Variants in DROSHA observed in about 807,000 individuals in gnomAD.
DROSHA encodes ribonuclease 3.
DROSHA carries 56 observed loss-of-function variants against 181.9 expected under a neutral mutation model. That is an observed-to-expected ratio of 0.31 (90% confidence interval 0.25 to 0.38). DROSHA has a LOEUF of 0.38. Ranked by LOEUF, DROSHA falls within the 10% of genes least tolerant of loss-of-function variation. DROSHA has a pLI of 1.00. For synonymous variants in DROSHA, 524 were observed against 591.2 expected (o/e 0.89, Z 1.65); for missense variants, 1,218 against 1,743.5 (o/e 0.70, Z 5.37).
At chr5:31,499,568 GA>G (rs113211548) in intron 11 of DROSHA, among the ~76,000 whole-genome samples, 9,917 of 152,232 alleles carry the variant, frequency 0.065, 1,083 homozygotes, top group African/African-American at 0.23. Context: ...AGACTGTGGA[GA>G]AAATGATAGC....
At chr5:31,450,767 C>T (rs891894846) in intron 21 of DROSHA, among the ~76,000 whole-genome samples, 1 of 152,132 alleles carries the variant, frequency 6.6e-6, no homozygotes, top group Non-Finnish European at 1.5e-5. Context: ...CCAGACTTCA[C>T]CACTATACAA....
chr5:31,519,118 T>G (rs1739587945), intron 6 of DROSHA, among the ~76,000 whole-genome samples: 1 of 152,182 alleles, frequency 6.6e-6, no homozygotes, highest in South Asian at 2.1e-4. Flanking sequence ...CATTTCTAAT[T>G]TTTATTTTCT....
rs759494163 is a variant in DROSHA, at chr5:31,409,382, C to T, written c.3668-50G>A. 6.5e-6 allele frequency: 10 copies of T among 1,535,204 alleles called. 1 individual carries two copies. In the East Asian group the frequency reaches 2.4e-4, roughly 38 times the overall value. On this transcript the variant is annotated intron_variant, in intron 31 of 35. Transcript: ENST00000344624. The surrounding 1 kb of genome is among the most constrained non-coding windows in gnomAD (Gnocchi z 4.0). ...ATAAACCACAATCACTGCCATCTAT[C>T]AGAAAGAGTAAGAGACCTAGACCTT... is the stretch of plus-strand genomic sequence containing the variant.
rs1741116827 is a variant in DROSHA at position 31,530,280 on chromosome 5, C to T, written c.-47+518G>A. 2.0e-5 allele frequency among the ~76,000 whole-genome samples: 3 copies of T among 152,186 alleles called. No homozygotes were observed. The South Asian group carries it at 6.2e-4, about 32-fold the overall frequency. On this transcript the variant is annotated intron_variant, in intron 3 of 35. Coordinates refer to ENST00000344624, the MANE Select transcript of DROSHA (RefSeq NM_001382508.1). ...GAACTACAGGCGTGAGTCACTGCGCCTGACTCCTTATTACTATTATCCAGT... is the reference window on the plus strand; with the variant it reads ...GAACTACAGGCGTGAGTCACTGCGCTTGACTCCTTATTACTATTATCCAGT...
intron 35 of DROSHA, among the ~76,000 whole-genome samples, chr5:31,403,054 G>T (rs1299036941): frequency 6.6e-6 from 1 of 152,210 alleles, no homozygotes; most frequent in African/African-American, 2.4e-5. Flanking sequence ...TTAAAGGCAT[G>T]AGCCACCATG....
intron 20 of DROSHA, among the ~76,000 whole-genome samples, chr5:31,452,892 C>T (rs491989): frequency 0.089 from 13,544 of 152,144 alleles, 1,078 homozygotes; most frequent in East Asian, 0.22. Flanking sequence ...TTTGAATTAT[C>T]GGCACTTTAT....
chr5:31,515,513 T>C lies in DROSHA; in HGVS notation c.999A>G (p.Leu333=). ...CTGTATTTTTAATAATCTCCCCAGG[T>C]AATTCTGGTGTGCATCCAGCAGGTT... ...VPEPAGCTPE[L]PGEIIKNTDS... is the part of the protein sequence containing the mutation. The change falls in exon 7 of 36, where the codon TTA becomes TTG. Residue 333 remains leucine, a synonymous_variant. Coordinates refer to ENST00000344624, the MANE Select transcript of DROSHA (RefSeq NM_001382508.1). The C allele has an allele frequency of 6.6e-7, 1 of 1,521,406 alleles. No individual in the cohort carries two copies. Among genetic ancestry groups the C allele is most frequent in the Non-Finnish European group, 8.9e-7 (1 of 1,119,112 alleles). The allele number at this position is 1,521,406 out of a possible 1,614,324, so 94.2% of individuals were successfully genotyped here. A position where few individuals can be genotyped will look rare whatever the true frequency, so the allele number is the denominator to read the frequency against.
intron 20 of DROSHA, 22 bp from the exon 21 acceptor site, chr5:31,451,662 AT>A: frequency 6.5e-7 from 1 of 1,547,606 alleles, no homozygotes; most frequent in Non-Finnish European, 8.8e-7. Flanking sequence ...AAAATTCAAT[AT>A]GTTTAACTTT....
intron 15 of DROSHA, among the ~76,000 whole-genome samples, chr5:31,484,364 G>A: frequency 2.0e-5 from 2 of 100,658 alleles, no homozygotes; most frequent in African/African-American, 4.6e-5. Context: ...CTGGGCGACA[G>A]AGCGAGACTC....
intron 20 of DROSHA, among the ~76,000 whole-genome samples, chr5:31,459,725 G>A (rs1448256538): frequency 6.6e-6 from 1 of 152,200 alleles, no homozygotes; most frequent in Non-Finnish European, 1.5e-5. Flanking sequence ...GAATCAGATA[G>A]TTTGATAATG....
chr5:31,487,261 G>A (rs189192656), intron 13 of DROSHA, among the ~76,000 whole-genome samples: 49 of 152,206 alleles, frequency 3.2e-4, no homozygotes, highest in Non-Finnish European at 5.4e-4. Context: ...GGTGAACTGC[G>A]AAGTCTTTCT....
In DROSHA at chr5:31,431,619, C is replaced by T. The variant is rs1744193524; in HGVS notation, c.3102G>A (p.Ser1034=). Residue 1034 remains serine, a synonymous_variant, in exon 26 of 36, where the codon TCG becomes TCA. Coordinates refer to ENST00000344624, the MANE Select transcript of DROSHA (RefSeq NM_001382508.1). ...AATTGGCCATTGCATGTCGAAGGTC[C>T]GATTCTCTACAAAGGTCAGGCCCGT... The part of the protein sequence containing the change: ...YAHGPDLCRE[S]DLRHAMANCF... The T allele has an allele frequency of 1.2e-5, 19 of 1,613,862 alleles. No individual in the cohort carries two copies. The highest frequency in any genetic ancestry group is 1.6e-5 in the Non-Finnish European group (19 of 1,179,850).
intron 11 of DROSHA, among the ~76,000 whole-genome samples, chr5:31,498,594 A>T (rs1753255423): frequency 1.3e-5 from 2 of 152,174 alleles, no homozygotes; most frequent in Non-Finnish European, 2.9e-5. Context: ...ACGGTGGCTC[A>T]TGCCTGTAAT....
chr5:31,486,900 G>C (rs943135783), intron 13 of DROSHA, among the ~76,000 whole-genome samples: 1 of 152,130 alleles, frequency 6.6e-6, no homozygotes, highest in African/African-American at 2.4e-5. Context: ...TGTTTCTCAA[G>C]TTTTTAAAAT....
rs542180306 is a variant in DROSHA at position 31,495,578 on chromosome 5, C to T, written c.1669-206G>A. ...AGTCTCCAGCTCTCAGCCGCTTCCT[C>T]AGGTGCTGGTGAAGCAAGGATGACC... On this transcript the variant is annotated intron_variant, in intron 11 of 35. Coordinates refer to ENST00000344624, the MANE Select transcript of DROSHA (RefSeq NM_001382508.1). 7.9e-5 allele frequency among the ~76,000 whole-genome samples: 12 copies of T among 152,312 alleles called. No homozygotes were observed. In the South Asian group the frequency reaches 2.5e-3, roughly 32 times the overall value.
At chr5:31,464,060 A>G in intron 20 of DROSHA, 176 bp downstream of exon 20, 1 of 633,284 alleles carries the variant, frequency 1.6e-6, no homozygotes. Context: ...CACCAGCATC[A>G]AAACAGACAA....
chr5:31,460,930 T>A (rs1748333827), intron 20 of DROSHA, among the ~76,000 whole-genome samples: 1 of 151,960 alleles, frequency 6.6e-6, no homozygotes, highest in African/African-American at 2.4e-5. Flanking sequence ...ACACTGTTGG[T>A]CCCTTTCTCA....
chr5:31,517,383 C>A (rs1421023921), intron 6 of DROSHA, among the ~76,000 whole-genome samples: 1 of 152,086 alleles, frequency 6.6e-6, no homozygotes, highest in Non-Finnish European at 1.5e-5. Context: ...CATTTCCTAT[C>A]CCAAGGTTAA....
chr5:31,494,215 G>C (rs545352952), intron 12 of DROSHA, among the ~76,000 whole-genome samples: 1 of 151,936 alleles, frequency 6.6e-6, no homozygotes, highest in Non-Finnish European at 1.5e-5. Context: ...TGATCCACTC[G>C]CCTCGGCCTC....
Sources: allele counts gnomAD v4.1 joint callset (sites outside exome capture counted in the v4.1 genomes callset), GRCh38; gene constraint gnomAD v4.1.1; non-coding constraint Gnocchi (gnomAD v3.1); transcripts MANE v1.5; gene names NCBI Gene and HGNC (gene_info 2026-07-23, HGNC 2026-07-21).